Variants in BNC2 observed in about 807,000 individuals in gnomAD.
The protein encoded by BNC2 is basonuclin zinc finger protein 2.
A neutral mutation model predicts 76.3 loss-of-function variants in BNC2; 20 were observed. That is an observed-to-expected ratio of 0.26 (90% CI 0.18 to 0.38). The LOEUF (loss-of-function observed/expected upper bound fraction) is 0.38. Among genes scored for constraint, BNC2 ranks in the 10% least tolerant of loss-of-function variants. The probability of loss-of-function intolerance (pLI) is 1.00; values close to 1 mark genes in which losing one functional copy is unlikely to be tolerated. For missense variants in BNC2, 1,382 were observed against 1,399.8 expected (o/e 0.99, Z 0.20); for synonymous variants, 582 against 514.8 (o/e 1.13, Z -1.77).
chr9:16,782,491 C>T (rs1283068333), intron 1 of BNC2, among the ~76,000 whole-genome samples: 1 of 152,048 alleles, frequency 6.6e-6, no homozygotes, highest in East Asian at 1.9e-4. Flanking sequence ...TTTTTACATA[C>T]TAGTCTAATG....
At chr9:16,448,344 T>C (rs920476339) in intron 5 of BNC2, among the ~76,000 whole-genome samples, 1 of 152,132 alleles carries the variant, frequency 6.6e-6, no homozygotes, top group African/African-American at 2.4e-5. Context: ...AAAAAATTTT[T>C]TTACATGATG....
intron 5 of BNC2, among the ~76,000 whole-genome samples, chr9:16,459,606 G>A (rs571003020): frequency 4.0e-4 from 61 of 152,206 alleles, no homozygotes; most frequent in Non-Finnish European, 4.9e-4. Flanking sequence ...TGGGGACTCA[G>A]GACTTGGGCC....
chr9:16,628,294 T>C (rs1821056545), intron 3 of BNC2, among the ~76,000 whole-genome samples: 1 of 152,188 alleles, frequency 6.6e-6, no homozygotes, highest in East Asian at 1.9e-4. Flanking sequence ...CTGTTCTATG[T>C]CTCTGCTCTG....
At chr9:16,660,225 C>A (rs1291792656) in intron 3 of BNC2, among the ~76,000 whole-genome samples, 1 of 152,158 alleles carries the variant, frequency 6.6e-6, no homozygotes, top group East Asian at 1.9e-4. Context: ...GAGGCCGAGT[C>A]GGGCGGATCA....
At chr9:16,688,808 C>A (rs1400043773) in intron 3 of BNC2, among the ~76,000 whole-genome samples, 1 of 152,050 alleles carries the variant, frequency 6.6e-6, no homozygotes, top group Non-Finnish European at 1.5e-5. Flanking sequence ...AGTACTGTAA[C>A]AGGAGGTCAG....
chr9:16,732,308 C>A (rs1045617292), intron 2 of BNC2, among the ~76,000 whole-genome samples: 2 of 151,946 alleles, frequency 1.3e-5, no homozygotes, highest in African/African-American at 2.4e-5. Flanking sequence ...GGGATATAAC[C>A]TATGTTTTCT....
At chr9:16,658,519 CTCCTGGAT>C (rs574580690) in intron 3 of BNC2, among the ~76,000 whole-genome samples, 26 of 152,254 alleles carry the variant, frequency 1.7e-4, no homozygotes, top group African/African-American at 6.3e-4. Flanking sequence ...AGCATATCAC[CTCCTGGAT>C]TCCTTAATAT....
intron 5 of BNC2, among the ~76,000 whole-genome samples, chr9:16,458,015 G>A (rs1485564525): frequency 6.6e-6 from 1 of 152,156 alleles, no homozygotes; most frequent in Non-Finnish European, 1.5e-5. Context: ...GTGGGTAGGT[G>A]GGAGAAAGAG....
chr9:16,844,584 G>C (rs566274341), intron 1 of BNC2, among the ~76,000 whole-genome samples: 1 of 138,144 alleles, frequency 7.2e-6, no homozygotes, highest in Non-Finnish European at 1.5e-5. Flanking sequence ...TGCAACCTCC[G>C]CCTACCAGGT....
intron 3 of BNC2, among the ~76,000 whole-genome samples, chr9:16,688,075 C>A (rs1823029453): frequency 6.6e-6 from 1 of 152,034 alleles, no homozygotes; most frequent in East Asian, 1.9e-4. Flanking sequence ...CTCCCATATT[C>A]TAAAAAATGA....
intron 1 of BNC2, among the ~76,000 whole-genome samples, chr9:16,769,664 C>T (rs12344347): frequency 0.46 from 69,433 of 152,072 alleles, 21,319 homozygotes; most frequent in Non-Finnish European, 0.69. Flanking sequence ...ACACCGCTTC[C>T]TCATCTACAA....
intron 1 of BNC2, among the ~76,000 whole-genome samples, chr9:16,813,386 C>G (rs1017515549): frequency 2.6e-5 from 4 of 151,656 alleles, no homozygotes; most frequent in Admixed American, 1.3e-4. Flanking sequence ...CTGCCTCAGC[C>G]TCCCGAGTAG....
chr9:16,579,432 G>A (rs923105146), intron 4 of BNC2, among the ~76,000 whole-genome samples: 3 of 151,880 alleles, frequency 2.0e-5, no homozygotes, highest in African/African-American at 4.8e-5. Flanking sequence ...GAGAGCACAC[G>A]CAAACACACC....
intron 5 of BNC2, among the ~76,000 whole-genome samples, chr9:16,536,034 G>C (rs1281350692): frequency 6.6e-6 from 1 of 151,914 alleles, no homozygotes; most frequent in Non-Finnish European, 1.5e-5. Flanking sequence ...ACCAACCCCA[G>C]GTCAACATGC....
chr9:16,618,545 CA>C (rs1173337409), intron 3 of BNC2, among the ~76,000 whole-genome samples: 1 of 151,960 alleles, frequency 6.6e-6, no homozygotes, highest in Non-Finnish European at 1.5e-5. Flanking sequence ...ATTTCATCTT[CA>C]AAAAAGAGGA....
chr9:16,838,218 C>G (rs1282185438), intron 1 of BNC2, among the ~76,000 whole-genome samples: 1 of 152,078 alleles, frequency 6.6e-6, no homozygotes, highest in Non-Finnish European at 1.5e-5. Context: ...TTTCCATGTA[C>G]AAATACATAC....
intron 5 of BNC2, among the ~76,000 whole-genome samples, chr9:16,498,573 G>T (rs1232846380): frequency 6.6e-6 from 1 of 151,602 alleles, no homozygotes; most frequent in African/African-American, 2.4e-5. Context: ...AGTGTATACG[G>T]CTGATGGGTG....
At chr9:16,494,567 G>A (rs1345245076) in intron 5 of BNC2, among the ~76,000 whole-genome samples, 6 of 152,172 alleles carry the variant, frequency 3.9e-5, no homozygotes, top group African/African-American at 1.4e-4. Context: ...ATTGAGATGA[G>A]TTCTGAGTCA....
At chr9:16,488,342 T>C (rs1343530602) in intron 5 of BNC2, among the ~76,000 whole-genome samples, 3 of 152,076 alleles carry the variant, frequency 2.0e-5, no homozygotes, top group African/African-American at 7.2e-5. Context: ...GTAATCAGAG[T>C]GGTGACAACA....
Sources: allele counts gnomAD v4.1 joint callset (sites outside exome capture counted in the v4.1 genomes callset), GRCh38; gene constraint gnomAD v4.1.1; transcripts MANE v1.5; gene names NCBI Gene and HGNC (gene_info 2026-07-23, HGNC 2026-07-21).